FANK1: variants seen among roughly 807,000 people sequenced by gnomAD.
The protein encoded by FANK1 is fibronectin type 3 and ankyrin repeat domains protein 1.
Under a neutral mutation model 45.3 loss-of-function variants are expected in FANK1, and 44 were observed. The observed-to-expected ratio is 0.97, with a 90% CI of 0.76 to 1.25. FANK1 has a LOEUF of 1.25. Among genes scored for constraint, FANK1 ranks in the 50% most tolerant of loss-of-function variants. FANK1 has a pLI of 0.00. For missense variants in FANK1, 391 were observed against 424.4 expected, an observed-to-expected ratio of 0.92 and a Z score of 0.69; for synonymous variants, 149 against 152.5, an observed-to-expected ratio of 0.98 and a Z score of 0.17.
chr10:125,980,498 G>A, intron 2 of FANK1, 160 bp downstream of exon 2: 2 of 704,422 alleles, frequency 2.8e-6, no homozygotes, highest in Non-Finnish European at 4.5e-6. Flanking sequence ...TTGGAAAATA[G>A]GCATTAGCAG....
At chr10:125,945,801 CA>C (rs1456475605) in intron 1 of FANK1, among the ~76,000 whole-genome samples, 1 of 152,190 alleles carries the variant, frequency 6.6e-6, no homozygotes, top group East Asian at 1.9e-4. Context: ...GGGGGCAGGG[CA>C]CAGACAAACA....
chr10:125,988,599 G>T lies in FANK1; in HGVS notation c.240G>T (p.Leu80=). ...HVVEGLEPRT[L]YRFRLKVTSP... is the part of the protein sequence containing the mutation. ...TTGAAGGTCTGGAACCAAGGACGCT[G>T]TACAGATTTCGCCTGAAGGTCACCA... Residue 80 remains leucine (L), a synonymous_variant, in exon 3 of 11, where the codon CTG becomes CTT. Coordinates refer to ENST00000368693, the MANE Select transcript of FANK1 (RefSeq NM_145235.5). The T allele has an allele frequency of 3.1e-6, 5 of 1,614,214 alleles. No individual in the cohort carries two copies. Among genetic ancestry groups the T allele is most frequent in the Non-Finnish European group, 4.2e-6 (5 of 1,180,038 alleles).
intron 1 of FANK1, among the ~76,000 whole-genome samples, chr10:125,961,004 A>G (rs1201429486): frequency 6.6e-6 from 1 of 152,272 alleles, no homozygotes; most frequent in Non-Finnish European, 1.5e-5. Context: ...AAGCTGTAGT[A>G]ATGAAGACAG....
chr10:125,988,890 G>T, intron 3 of FANK1: 1 of 730,948 alleles, frequency 1.4e-6, no homozygotes, highest in Non-Finnish European at 2.3e-6. Context: ...AGCTATTTTT[G>T]TGCCAGAACT....
chr10:125,944,576 C>A (rs1445423015), intron 1 of FANK1, among the ~76,000 whole-genome samples: 1 of 152,200 alleles, frequency 6.6e-6, no homozygotes, highest in Non-Finnish European at 1.5e-5. Context: ...GTAACATGTT[C>A]ATAATGGCCC....
At chr10:125,980,960 T>G (rs994351557) in intron 2 of FANK1, 1 of 152,446 alleles carries the variant, frequency 6.6e-6, no homozygotes, top group Non-Finnish European at 1.5e-5. Context: ...AACCTTGTTT[T>G]GTATGCCACA....
At chr10:125,948,644 C>G (rs542126070) in intron 1 of FANK1, among the ~76,000 whole-genome samples, 28 of 152,280 alleles carry the variant, frequency 1.8e-4, no homozygotes, top group African/African-American at 4.8e-4. Context: ...CAAAAAGAGT[C>G]CAGGACCAGA....
chr10:125,936,501 A>G (rs1467761043), intron 1 of FANK1, among the ~76,000 whole-genome samples: 2 of 151,552 alleles, frequency 1.3e-5, no homozygotes, highest in Non-Finnish European at 2.9e-5. Flanking sequence ...TTCCGGATTC[A>G]ATCTCCATGC....
chr10:125,968,427 C>A (rs1042293353), intron 1 of FANK1, among the ~76,000 whole-genome samples: 4 of 152,118 alleles, frequency 2.6e-5, no homozygotes, highest in African/African-American at 9.7e-5. Flanking sequence ...ATGCCCCTTG[C>A]CAGTGAAATT....
intron 1 of FANK1, among the ~76,000 whole-genome samples, chr10:125,918,585 A>AAAAATATATAT (rs1554913277): frequency 2.5e-4 from 18 of 70,972 alleles, no homozygotes; most frequent in African/African-American, 8.7e-4. Flanking sequence ...AAAAAAAAAA[A>AAAAATATATAT]ATATATATAT....
chr10:125,930,444 C>T (rs1459393409), intron 1 of FANK1, among the ~76,000 whole-genome samples: 3 of 152,110 alleles, frequency 2.0e-5, no homozygotes, highest in Non-Finnish European at 4.4e-5. Context: ...TCAAGCAATC[C>T]TCCCACCTCA....
chr10:125,988,354 G>C (rs764161663), intron 2 of FANK1, among the ~76,000 whole-genome samples, 197 bp from the exon 3 acceptor site: 1 of 152,248 alleles, frequency 6.6e-6, no homozygotes, highest in Admixed American at 6.5e-5. Context: ...CTATGGGACA[G>C]AGTGCACCTG....
chr10:125,934,760 T>C (rs1267658307), intron 1 of FANK1, among the ~76,000 whole-genome samples: 2 of 85,122 alleles, frequency 2.3e-5, no homozygotes, highest in African/African-American at 4.7e-5. Context: ...TTTTTTTTTT[T>C]TGCAAATCAC....
chr10:125,996,582 G>C lies in FANK1; in HGVS notation c.431G>C (p.Gly144Ala). Reference sequence around the variant, plus strand: ...AAGGTTGATGTTCCCAATAAGTTTGGCTTTACCGCTCTGATGGTTGCTGCC... The same window carrying C: ...AAGGTTGATGTTCCCAATAAGTTTGCCTTTACCGCTCTGATGGTTGCTGCC... The part of the protein sequence containing the change: ...RVKVDVPNKF[G>A]FTALMVAAQK... Residue 144 changes from glycine (G) to alanine (A), a missense_variant, in exon 5 of 11, where the codon GGC (glycine) becomes GCC (alanine). By Grantham distance (60) the Gly-to-Ala change is moderately conservative (BLOSUM62 0). Coordinates refer to ENST00000368693, the MANE Select transcript of FANK1 (RefSeq NM_145235.5). 6.2e-7 allele frequency: 1 copy of C among 1,614,064 alleles called. No individual in the cohort carries two copies. Among genetic ancestry groups the C allele is most frequent in the South Asian group, 1.1e-5 (1 of 91,066 alleles).
chr10:125,913,957 G>A (rs1946238465), intron 1 of FANK1, among the ~76,000 whole-genome samples: 1 of 152,112 alleles, frequency 6.6e-6, no homozygotes, highest in Admixed American at 6.5e-5. Context: ...AAGGACTGTC[G>A]AGTAAAAACA....
intron 1 of FANK1, among the ~76,000 whole-genome samples, chr10:125,910,309 CTT>C (rs1186405035): frequency 2.0e-5 from 3 of 152,204 alleles, no homozygotes; most frequent in Middle Eastern, 3.4e-3. Context: ...TTTTTTTACA[CTT>C]TGTTTTCTTT....
At chr10:125,928,260 C>CA (rs1947505996) in intron 1 of FANK1, among the ~76,000 whole-genome samples, 2 of 71,230 alleles carry the variant, frequency 2.8e-5, no homozygotes, top group African/African-American at 8.2e-5. Flanking sequence ...ATTATTCGTG[C>CA]CTTTTTTTTT....
chr10:125,922,701 G>T (rs1158152308), intron 1 of FANK1, among the ~76,000 whole-genome samples: 1 of 152,102 alleles, frequency 6.6e-6, no homozygotes, highest in African/African-American at 2.4e-5. Flanking sequence ...TTTTTATAAA[G>T]ACAGGATTTT....
chr10:125,919,717 G>A (rs1456455240), intron 1 of FANK1, among the ~76,000 whole-genome samples: 1 of 152,180 alleles, frequency 6.6e-6, no homozygotes, highest in African/African-American at 2.4e-5. Context: ...TGGAAACGCA[G>A]CTGACCATGA....
Sources: allele counts gnomAD v4.1 joint callset (sites outside exome capture counted in the v4.1 genomes callset), GRCh38; gene constraint gnomAD v4.1.1; transcripts MANE v1.5; gene names NCBI Gene and HGNC (gene_info 2026-07-23, HGNC 2026-07-21).